TAF4B: variants seen among roughly 807,000 people sequenced by gnomAD.
TAF4B encodes TATA-box binding protein associated factor 4b, also known as transcription initiation factor TFIID subunit 4B.
A neutral mutation model predicts 86.4 loss-of-function variants in TAF4B; 38 were observed. That is an observed-to-expected ratio of 0.44 (90% CI 0.34 to 0.58). TAF4B has a LOEUF of 0.58. TAF4B is among the 20% of genes least tolerant of loss of function. The pLI, the probability that TAF4B is intolerant of heterozygous loss-of-function variation, is 0.02. For synonymous variants in TAF4B, 388 were observed against 391.2 expected (o/e 0.99, Z 0.10); for missense variants, 988 against 1,027.6 (o/e 0.96, Z 0.53).
intron 9 of TAF4B, among the ~76,000 whole-genome samples, chr18:26,305,758 C>T (rs963440221): frequency 6.6e-6 from 1 of 152,064 alleles, no homozygotes; most frequent in African/African-American, 2.4e-5. Context: ...TAAAGTAAGT[C>T]CTTTTTCTAT....
intron 14 of TAF4B, among the ~76,000 whole-genome samples, chr18:26,380,635 A>G (rs771948841): frequency 2.6e-5 from 4 of 152,004 alleles, no homozygotes; most frequent in Non-Finnish European, 5.9e-5. Context: ...TTGTTTTTTT[A>G]AAAGTTTTAT....
intron 8 of TAF4B, 90 bp from the exon 9 acceptor site, chr18:26,293,336 A>G (rs7242872): frequency 2.5e-6 from 2 of 790,406 alleles, no homozygotes; most frequent in Admixed American, 3.1e-5. Context: ...TGATTATTCT[A>G]TATATATAAA....
chr18:26,330,147 C>T (rs766352417), intron 12 of TAF4B, among the ~76,000 whole-genome samples: 21 of 152,142 alleles, frequency 1.4e-4, no homozygotes, highest in African/African-American at 4.6e-4. Flanking sequence ...AAATCAGCTA[C>T]CTCTGTCATG....
In TAF4B at chr18:26,321,107, T is replaced by C; in HGVS notation, c.2040T>C (p.Ala680=). Residue 680 remains alanine (A), a synonymous_variant, in exon 11 of 15, where the codon GCT becomes GCC. Coordinates refer to ENST00000269142, the MANE Select transcript of TAF4B (RefSeq NM_005640.3). ...KHDITELNSD[A]VNLISQATQE... ...ACATTACAGAACTTAACTCTGATGC[T>C]GTGAACTTGATCTCCCAAGCAACAC... is the stretch of plus-strand genomic sequence containing the variant. The C allele has an allele frequency of 1.9e-6, 3 of 1,613,940 alleles. No homozygotes were observed. The highest frequency in any genetic ancestry group is 2.5e-6 in the Non-Finnish European group (3 of 1,179,838).
intron 1 of TAF4B, among the ~76,000 whole-genome samples, chr18:26,236,523 T>C (rs573953431): frequency 5.3e-5 from 8 of 152,172 alleles, no homozygotes; most frequent in Non-Finnish European, 1.2e-4. Flanking sequence ...ACCTTTGTTT[T>C]CTAGGGCAGG....
intron 14 of TAF4B, among the ~76,000 whole-genome samples, chr18:26,378,731 A>T (rs892262929): frequency 6.6e-6 from 1 of 152,152 alleles, no homozygotes; most frequent in Non-Finnish European, 1.5e-5. Context: ...CTCTGCAATT[A>T]CTGATCTAAT....
rs560516888 is a variant in TAF4B, at chr18:26,347,706, CAT to C, written c.2317-9982_2317-9981del. 1.9e-4 allele frequency among the ~76,000 whole-genome samples: 29 copies of C among 152,270 alleles called. No individual in the cohort carries two copies. The South Asian group carries it at 6.0e-3, about 32-fold the overall frequency. ...AATTCACTTCAGCTGTAAAGACACA[CAT>C]AGACTGAAAGTGAAGAATAGAAAAA... On this transcript the variant is annotated intron_variant, in intron 13 of 14. Coordinates refer to ENST00000269142, the MANE Select transcript of TAF4B (RefSeq NM_005640.3).
rs183007516 is a variant in TAF4B, at chr18:26,291,180, A to G, written c.1591-1066A>G. Among the ~76,000 whole-genome samples, 515 of 152,292 alleles carry G rather than the reference A, an allele frequency of 3.4e-3. 3 individuals are homozygous for G. The highest frequency in any genetic ancestry group is 4.9e-3 in the Non-Finnish European group (333 of 68,020). ...CTGTCTTTTGGCAAGACCATGGCAC[A>G]TTTATATTTGCCATATATGAGTGAA... On this transcript the variant is annotated intron_variant, in intron 7 of 14. Coordinates refer to ENST00000269142, the MANE Select transcript of TAF4B (RefSeq NM_005640.3).
intron 1 of TAF4B, among the ~76,000 whole-genome samples, chr18:26,229,537 C>CT (rs1479472313): frequency 7.4e-6 from 1 of 134,716 alleles, no homozygotes; most frequent in Non-Finnish European, 1.5e-5. Context: ...GAGTGTCACT[C>CT]TGTTGCCCAG....
intron 14 of TAF4B, among the ~76,000 whole-genome samples, chr18:26,375,203 A>G (rs553558537): frequency 5.0e-4 from 76 of 152,244 alleles, no homozygotes; most frequent in African/African-American, 1.5e-3. Context: ...TCTTTCACTG[A>G]GCATAATGTT....
chr18:26,315,128 C>G lies in TAF4B; in HGVS notation c.1833-101C>G, dbSNP rs867512395. ...TCTCTCTCTCTCTCTCTCTCTCTCT[C>G]TCTCTCTCTCTCTCTCTGTCTCTCT... is the stretch of plus-strand genomic sequence containing the variant. On this transcript the variant is annotated intron_variant, in intron 9 of 14. Transcript: ENST00000269142. 8.0e-3 allele frequency: 2,637 copies of G among 331,402 alleles called. 51 individuals carry two copies. The highest frequency in any genetic ancestry group is 0.06 in the African/African-American group (1,549 of 25,946). 20.5% of individuals were successfully genotyped at this position (331,402 alleles called of 1,614,324 possible). A position where few individuals can be genotyped will look rare whatever the true frequency, so the allele number is the denominator to read the frequency against.
At chr18:26,320,149 G>T (rs989413276) in intron 10 of TAF4B, among the ~76,000 whole-genome samples, 1 of 151,936 alleles carries the variant, frequency 6.6e-6, no homozygotes, top group Non-Finnish European at 1.5e-5. Context: ...GTATATTTCA[G>T]GTAAATTAGA....
intron 13 of TAF4B, among the ~76,000 whole-genome samples, chr18:26,340,633 A>G (rs1417931620): frequency 2.6e-5 from 4 of 152,104 alleles, no homozygotes; most frequent in Non-Finnish European, 1.5e-5. Flanking sequence ...AGAGTTTATA[A>G]TACTGTAGTA....
rs1267625166 is a variant in TAF4B, at chr18:26,228,539, G to C, written c.343+1263G>C. ...ATTCTGCATATATGTTTATAAAGTA[G>C]TTCTGAATGTGTTAGAATGAAATTA... is the stretch of plus-strand genomic sequence containing the variant. On this transcript the variant is annotated intron_variant, in intron 1 of 14. Transcript: ENST00000269142. Among the ~76,000 whole-genome samples, 6 of 151,794 alleles carry C rather than the reference G, an allele frequency of 4.0e-5. No homozygotes were observed. In the East Asian group the frequency reaches 1.2e-3, roughly 29 times the overall value.
At chr18:26,256,116 T>G in intron 1 of TAF4B, 4 of 1,567,784 alleles carry the variant, frequency 2.6e-6, no homozygotes, top group Non-Finnish European at 3.5e-6. Context: ...GGTCCAGCCC[T>G]TGCATCTACC....
At chr18:26,339,225 T>A (rs996676194) in intron 13 of TAF4B, among the ~76,000 whole-genome samples, 2 of 152,250 alleles carry the variant, frequency 1.3e-5, no homozygotes, top group African/African-American at 4.8e-5. Context: ...CCCTTTCAAA[T>A]TCTGAAATGT....
chr18:26,297,173 T>TTTA (rs1306230625), intron 9 of TAF4B, among the ~76,000 whole-genome samples: 1 of 151,184 alleles, frequency 6.6e-6, no homozygotes, highest in African/African-American at 2.4e-5. Context: ...TCTCTAAATT[T>TTTA]AACATTTTAT....
intron 5 of TAF4B, among the ~76,000 whole-genome samples, chr18:26,280,358 A>G (rs1457069413): frequency 1.3e-5 from 2 of 152,206 alleles, no homozygotes; most frequent in African/African-American, 2.4e-5. Flanking sequence ...AGAAGATACT[A>G]TCAACAGAGT....
At chr18:26,321,227 A>T (rs1259473608) in intron 11 of TAF4B, 27 bp downstream of exon 11, 1 of 1,612,598 alleles carries the variant, frequency 6.2e-7, no homozygotes, top group Non-Finnish European at 8.5e-7. Flanking sequence ...AAGAAGTATA[A>T]ACTCTCGAGT....
Sources: allele counts gnomAD v4.1 joint callset (sites outside exome capture counted in the v4.1 genomes callset), GRCh38; gene constraint gnomAD v4.1.1; transcripts MANE v1.5; gene names NCBI Gene and HGNC (gene_info 2026-07-23, HGNC 2026-07-21).